The following INTS1 variants were observed in gnomAD, a reference collection of about 807,000 sequenced individuals.
INTS1 encodes the protein integrator complex subunit 1.
A neutral mutation model predicts 241.6 loss-of-function variants in INTS1; 137 were observed. That is an observed-to-expected ratio of 0.57 (90% CI 0.49 to 0.65). INTS1 has a LOEUF of 0.65. Ranked by LOEUF, INTS1 falls within the 30% of genes least tolerant of loss-of-function variation. The pLI, the probability that INTS1 is intolerant of heterozygous loss-of-function variation, is 0.00. For synonymous variants in INTS1, 1,692 were observed against 1,337.8 expected, an observed-to-expected ratio of 1.26 and a Z score of -5.78; for missense variants, 3,073 against 3,032.2, an observed-to-expected ratio of 1.01 and a Z score of -0.32.
At chr7:1,477,337 G>A (rs1476059073) in intron 35 of INTS1, among the ~76,000 whole-genome samples, 1 of 152,000 alleles carries the variant, frequency 6.6e-6, no homozygotes, top group African/African-American at 2.4e-5. Context: ...TCACAGTGCT[G>A]GTCCACAGGT....
At chr7:1,490,300 T>G (rs939236059) in intron 16 of INTS1, among the ~76,000 whole-genome samples, 2 of 152,080 alleles carry the variant, frequency 1.3e-5, no homozygotes, top group African/African-American at 4.8e-5. Context: ...GGGTGTCAGC[T>G]CTGCATAAAG....
At position 1,473,187 on chromosome 7, in the gene INTS1, G is replaced by A. The variant is rs111256568; in HGVS notation, c.5958-3C>T. ...CACTGTTGTCGAAGGACAGGTCGCT[G>A]GGGAGAGAAGATGCTTTCACCTGGG... On this transcript the variant is annotated splice_polypyrimidine_tract_variant and splice_region_variant and intron_variant, in intron 42 of 47. Coordinates refer to ENST00000404767, the MANE Select transcript of INTS1 (RefSeq NM_001080453.3). 0.022 allele frequency: 35,842 copies of A among 1,603,466 alleles called. 502 individuals carry two copies. Among genetic ancestry groups the A allele is most frequent in the Middle Eastern group, 0.029 (173 of 6,036 alleles).
Position 1,500,242 on chromosome 7 carries a change from G to C in INTS1, c.474C>G (p.Ser158Arg). The C allele has an allele frequency of 6.2e-7, 1 of 1,605,544 alleles. No homozygotes were observed. The highest frequency in any genetic ancestry group is 8.5e-7 in the Non-Finnish European group (1 of 1,175,574). The change falls in exon 4 of 48, where the codon AGC becomes AGG. Residue 158 changes from serine (S) to arginine (R), a missense_variant. Physicochemically the swap from Ser to Arg is moderately radical, Grantham distance 110. Coordinates refer to ENST00000404767, the MANE Select transcript of INTS1 (RefSeq NM_001080453.3). Reference sequence around the variant, plus strand: ...GGTACATGAGGCTCAGGTAGAGGGTGCTGTCAGGCTTGGCGCGGGTGACCT... The same window carrying C: ...GGTACATGAGGCTCAGGTAGAGGGTCCTGTCAGGCTTGGCGCGGGTGACCT... ...QLKVTRAKPD[S>R]TLYLSLMYLA...
In INTS1 at chr7:1,478,756, G is replaced by A; in HGVS notation, c.4459C>T (p.Gln1487Ter). The change falls in exon 32 of 48, where the codon CAG becomes TAG. Residue 1487 changes from glutamine to a stop codon, truncating the protein, a stop_gained. Coordinates refer to ENST00000404767, the MANE Select transcript of INTS1 (RefSeq NM_001080453.3). LOFTEE classifies it high-confidence loss of function. ...LRAQLRMLASQASAGRRLSDV... is the reference protein window; with the variant it reads ...LRAQLRMLAS Reference sequence around the variant, plus strand: ...CTGAGCCTGCGCCCGGCTGAGGCCTGGCTGGCAAGCATCCTGAGCTGTGCC... The same window carrying A: ...CTGAGCCTGCGCCCGGCTGAGGCCTAGCTGGCAAGCATCCTGAGCTGTGCC... 1.3e-6 allele frequency: 2 copies of A among 1,594,470 alleles called. No homozygotes were observed. Among genetic ancestry groups the A allele is most frequent in the Non-Finnish European group, 1.7e-6 (2 of 1,170,954 alleles).
intron 3 of INTS1, among the ~76,000 whole-genome samples, 187 bp downstream of exon 3, chr7:1,502,714 G>C (rs950896279): frequency 2.0e-5 from 3 of 152,180 alleles, no homozygotes; most frequent in African/African-American, 7.2e-5. Flanking sequence ...AGTGCAGGAC[G>C]CAGATGCACA....
chr7:1,498,940 C>CCCGGGGG, intron 8 of INTS1, 35 bp downstream of exon 8: 1 of 1,381,890 alleles, frequency 7.2e-7, no homozygotes, highest in Non-Finnish European at 9.8e-7. Flanking sequence ...GCCCCCACCC[C>CCCGGGGG]CTGCCCCGCC....
At chr7:1,492,762 C>A (rs1782626575) in intron 16 of INTS1, among the ~76,000 whole-genome samples, 1 of 152,192 alleles carries the variant, frequency 6.6e-6, no homozygotes, top group Non-Finnish European at 1.5e-5. Flanking sequence ...CCAGTCAAGG[C>A]CCGTAGTGGC....
At chr7:1,487,646 G>C in intron 19 of INTS1, 114 bp downstream of exon 19, 1 of 1,385,792 alleles carries the variant, frequency 7.2e-7, no homozygotes, top group South Asian at 1.2e-5. Flanking sequence ...AGGCCTTTCA[G>C]GTTCTGCCGC....
Position 1,485,311 on chromosome 7 carries a change from G to A in INTS1, c.3135C>T (p.Thr1045=). 2 of 1,611,054 alleles carry A rather than the reference G, an allele frequency of 1.2e-6. No individual in the cohort carries two copies. The highest frequency in any genetic ancestry group is 2.2e-5 in the South Asian group (2 of 91,064). Residue 1045 remains threonine (T), a synonymous_variant, in exon 23 of 48, where the codon ACC becomes ACT. Transcript: ENST00000404767. ...RLPLFDSVRS[T]TALALQQAIH... is the part of the protein sequence containing the mutation. ...TCACCTGCTGCAGGGCCAGGGCTGT[G>A]GTGCTCCTGACGCTGTCGAACAGAG...
At position 1,485,179 on chromosome 7, in the gene INTS1, G is replaced by T; in HGVS notation, c.3180C>A (p.Pro1060=). 1 of 1,600,698 alleles carries T rather than the reference G, an allele frequency of 6.2e-7. No homozygotes were observed. The change falls in exon 24 of 48, where the codon CCC becomes CCA. Residue 1060 remains proline, a synonymous_variant. Coordinates refer to ENST00000404767, the MANE Select transcript of INTS1 (RefSeq NM_001080453.3). ...LQQAIHMETD[P]QTISAYLIYL... Reference sequence around the variant, plus strand: ...AGATCAGGTAGGCGCTGATGGTCTGGGGATCAGTCTCCATGTGGATTGCCT... The same window carrying T: ...AGATCAGGTAGGCGCTGATGGTCTGTGGATCAGTCTCCATGTGGATTGCCT...
At chr7:1,488,715 C>T (rs958938732) in intron 18 of INTS1, among the ~76,000 whole-genome samples, 1 of 152,244 alleles carries the variant, frequency 6.6e-6, no homozygotes, top group South Asian at 2.1e-4. Context: ...ACCTTGGCCA[C>T]TGCCCTTGGT....
At chr7:1,480,572 G>T in intron 29 of INTS1, 131 bp from the exon 30 acceptor site, 2 of 1,057,036 alleles carry the variant, frequency 1.9e-6, no homozygotes, top group Non-Finnish European at 2.7e-6. Context: ...CCTGGGCTCT[G>T]TGTTCCCCAA....
chr7:1,473,097 G>A lies in INTS1; in HGVS notation c.6045C>T (p.Asp2015=), dbSNP rs753547907. The A allele has an allele frequency of 6.2e-7, 1 of 1,610,194 alleles. No individual in the cohort carries two copies. The highest frequency in any genetic ancestry group is 8.5e-7 in the Non-Finnish European group (1 of 1,178,138). The change falls in exon 43 of 48, where the codon GAC becomes GAT. Residue 2015 remains aspartate (D), a synonymous_variant. Coordinates refer to ENST00000404767, the MANE Select transcript of INTS1 (RefSeq NM_001080453.3). ...LSLPSRDDRT[D]RGLDEEGEEE... is the part of the protein sequence containing the mutation. ...CCTCGCCCTCTTCGTCCAGGCCTCGGTCGGTCCTGTCGTCCCTGCTGGGCA... is the reference window on the plus strand; with the variant it reads ...CCTCGCCCTCTTCGTCCAGGCCTCGATCGGTCCTGTCGTCCCTGCTGGGCA...
Position 1,484,055 on chromosome 7 carries a change from C to A in INTS1, c.3377G>T (p.Arg1126Leu), listed in dbSNP as rs748612952. The change falls in exon 25 of 48, where the codon CGC (arginine) becomes CTC (leucine). Residue 1126 changes from arginine to leucine, a missense_variant. Transcript: ENST00000404767. ...GCTCTGCCGCATGCGCCTCACGTAG[C>A]GTGAGAAGATGGACAACAGAGCGCT... is the stretch of plus-strand genomic sequence containing the variant. ...VLSALLSIFS[R>L]YVRRMRQSKE... The A allele has an allele frequency of 1.2e-6, 2 of 1,612,366 alleles. No individual in the cohort carries two copies. Among genetic ancestry groups the A allele is most frequent in the Admixed American group, 1.7e-5 (1 of 60,016 alleles).
Position 1,504,363 on chromosome 7 carries a change from G to C in INTS1, c.-82C>G, listed in dbSNP as rs773206518. On this transcript the variant is annotated 5_prime_UTR_variant, in exon 1 of 48. Coordinates refer to ENST00000404767, the MANE Select transcript of INTS1 (RefSeq NM_001080453.3). ...ACCGGAGCGCCGCCGCCGCCACCCG[G>C]CCACCCCGGAATCGGAAACCGATCT... 2 of 493,148 alleles carry C rather than the reference G, an allele frequency of 4.1e-6. No homozygotes were observed. Among genetic ancestry groups the C allele is most frequent in the Admixed American group, 4.4e-5 (2 of 45,162 alleles). 30.5% of individuals were successfully genotyped at this position (493,148 alleles called of 1,614,324 possible). A position where few individuals can be genotyped will look rare whatever the true frequency, so the allele number is the denominator to read the frequency against.
Position 1,476,579 on chromosome 7 carries a change from G to A in INTS1, c.5142C>T (p.Arg1714=), listed in dbSNP as rs755380106. 5.3e-6 allele frequency: 8 copies of A among 1,520,204 alleles called. No homozygotes were observed. The highest frequency in any genetic ancestry group is 1.8e-4 in the Middle Eastern group (1 of 5,668). 94.2% of individuals were successfully genotyped at this position (1,520,204 alleles called of 1,614,324 possible). A position where few individuals can be genotyped will look rare whatever the true frequency, so the allele number is the denominator to read the frequency against. ...CCCTCCCAAGACCTGCCTGCGGGGT[G>A]CGCTGGTCCCGCCCCTGCCAGATGC... ...VPRIWQGRDQ[R]TPQKRREELV... is the part of the protein sequence containing the mutation. Residue 1714 remains arginine, a synonymous_variant, in exon 37 of 48, where the codon CGC becomes CGT. Coordinates refer to ENST00000404767, the MANE Select transcript of INTS1 (RefSeq NM_001080453.3).
intron 42 of INTS1, 94 bp downstream of exon 42, chr7:1,473,472 T>A: frequency 1.4e-6 from 2 of 1,441,136 alleles, no homozygotes; most frequent in South Asian, 2.5e-5. Flanking sequence ...GAGCAGCATA[T>A]CTGACACGAC....
intron 32 of INTS1, 81 bp from the exon 33 acceptor site, chr7:1,478,587 G>A (rs1781846819): frequency 1.9e-6 from 3 of 1,539,236 alleles, no homozygotes; most frequent in Non-Finnish European, 2.6e-6. Context: ...CCCCACGGTA[G>A]AAGGGCTCCC....
chr7:1,499,078 T>C lies in INTS1; in HGVS notation c.1034A>G (p.Asn345Ser), dbSNP rs895402190. ...DQLNRRQPID[N>S]VSRNLLRLLT... The stretch of plus-strand genomic sequence containing the variant: ...GAGCCGCAGGAGGTTCCTGGAGACG[T>C]TGTCGATGGGCTGGCGCCGGTTCAG... The change falls in exon 8 of 48, where the codon AAC becomes AGC. Residue 345 changes from asparagine (N) to serine (S), a missense_variant. By Grantham distance (46) the Asn-to-Ser change is conservative. Transcript: ENST00000404767. 1.2e-6 allele frequency: 2 copies of C among 1,608,918 alleles called. No individual in the cohort carries two copies. The highest frequency in any genetic ancestry group is 1.7e-6 in the Non-Finnish European group (2 of 1,178,798).
Sources: allele counts gnomAD v4.1 joint callset (sites outside exome capture counted in the v4.1 genomes callset), GRCh38; gene constraint gnomAD v4.1.1; transcripts MANE v1.5; gene names NCBI Gene and HGNC (gene_info 2026-07-23, HGNC 2026-07-21).